RBFOX1: variants seen among roughly 807,000 people sequenced by gnomAD.
RBFOX1 encodes the protein RNA binding fox-1 homolog 1, also known as RNA binding protein fox-1 homolog 1.
A neutral mutation model predicts 57.7 loss-of-function variants in RBFOX1; 8 were observed. The observed-to-expected ratio is 0.14, with a 90% CI of 0.08 to 0.25. The LOEUF (loss-of-function observed/expected upper bound fraction) is 0.25. Ranked by LOEUF, RBFOX1 falls within the 10% of genes least tolerant of loss-of-function variation. The probability of loss-of-function intolerance (pLI) is 1.00; values close to 1 mark genes in which losing one functional copy is unlikely to be tolerated. For missense variants in RBFOX1, 611 were observed against 548.5 expected, an observed-to-expected ratio of 1.11 and a Z score of -1.14; for synonymous variants, 326 against 222.4, an observed-to-expected ratio of 1.47 and a Z score of -4.15.
intron 13 of RBFOX1, among the ~76,000 whole-genome samples, chr16:7,666,107 C>T (rs897570113): frequency 1.3e-5 from 2 of 152,088 alleles, no homozygotes; most frequent in Non-Finnish European, 2.9e-5. Context: ...GTCTCATGTC[C>T]TCTTTTTTCA....
intron 3 of RBFOX1, among the ~76,000 whole-genome samples, chr16:7,048,751 G>T (rs2048924368): frequency 6.6e-6 from 1 of 152,038 alleles, no homozygotes; most frequent in Non-Finnish European, 1.5e-5. Context: ...TGCAAATTTA[G>T]ATTTTCTTGG....
At chr16:5,400,259 T>C (rs886845635) in intron 1 of RBFOX1, among the ~76,000 whole-genome samples, 3 of 151,916 alleles carry the variant, frequency 2.0e-5, no homozygotes, top group Non-Finnish European at 4.4e-5. Flanking sequence ...ACCCGGCTGA[T>C]TTTTGTATTT....
intron 3 of RBFOX1, among the ~76,000 whole-genome samples, chr16:6,821,251 T>C (rs1045779784): frequency 6.6e-6 from 1 of 152,184 alleles, no homozygotes; most frequent in African/African-American, 2.4e-5. Flanking sequence ...TGGTGTCTCT[T>C]TACATCTAAC....
chr16:7,686,397 C>T (rs1257455224), intron 14 of RBFOX1, among the ~76,000 whole-genome samples: 3 of 152,004 alleles, frequency 2.0e-5, no homozygotes, highest in Non-Finnish European at 4.4e-5. Context: ...ATCTTTTCTG[C>T]TCATGGATCA....
At chr16:5,527,347 A>T (rs149478834) in intron 2 of RBFOX1, among the ~76,000 whole-genome samples, 1 of 151,710 alleles carries the variant, frequency 6.6e-6, no homozygotes, top group East Asian at 1.9e-4. Flanking sequence ...GAGTTCGTAG[A>T]CTCCTCCCCC....
intron 2 of RBFOX1, among the ~76,000 whole-genome samples, chr16:6,382,747 C>G (rs1041175459): frequency 6.6e-6 from 1 of 152,132 alleles, no homozygotes; most frequent in Non-Finnish European, 1.5e-5. Context: ...GTAATCCCAG[C>G]TACTTGGGAG....
rs187350576 is a variant in RBFOX1, at chr16:7,053,967, A to T, written c.27+1869A>T. Among the ~76,000 whole-genome samples, 204 of 152,146 alleles carry T rather than the reference A, an allele frequency of 1.3e-3. 1 individual carries two copies. The highest frequency in any genetic ancestry group is 4.6e-3 in the African/African-American group (191 of 41,518). On this transcript the variant is annotated intron_variant, in intron 4 of 15. Transcript: ENST00000550418. The stretch of plus-strand genomic sequence containing the variant: ...TTTAAATAGTACCAAAGAGAGTGCA[A>T]TGGAGTTTTCCCTTCCCACGTGACT...
chr16:7,219,594 TAGA>T (rs1230596267), intron 4 of RBFOX1, among the ~76,000 whole-genome samples: 3 of 152,164 alleles, frequency 2.0e-5, no homozygotes, highest in Non-Finnish European at 4.4e-5. Flanking sequence ...ATAGCTGTTG[TAGA>T]AAGAACAAGC....
intron 2 of RBFOX1, among the ~76,000 whole-genome samples, chr16:5,468,735 A>G (rs570375839): frequency 3.3e-5 from 5 of 152,336 alleles, no homozygotes; most frequent in East Asian, 1.9e-4. Context: ...CCATTCTACA[A>G]CTTGGATGAA....
intron 1 of RBFOX1, among the ~76,000 whole-genome samples, chr16:6,283,254 G>T (rs2076578491): frequency 6.6e-6 from 1 of 152,168 alleles, no homozygotes; most frequent in African/African-American, 2.4e-5. Context: ...TTGAACCCCG[G>T]AGGTTGAGCC....
intron 3 of RBFOX1, among the ~76,000 whole-genome samples, chr16:5,774,452 C>G (rs775080287): frequency 3.3e-5 from 5 of 152,224 alleles, no homozygotes; most frequent in Admixed American, 6.5e-5. Flanking sequence ...CAGGTAATGT[C>G]AACACGTAGT....
At chr16:7,162,190 G>T (rs1310528389) in intron 4 of RBFOX1, among the ~76,000 whole-genome samples, 1 of 152,118 alleles carries the variant, frequency 6.6e-6, no homozygotes, top group South Asian at 2.1e-4. Flanking sequence ...GCAGAATGAT[G>T]TCTGCTTTTT....
upstream of RBFOX1, among the ~76,000 whole-genome samples, chr16:6,016,426 C>G (rs1343252401): frequency 6.6e-6 from 1 of 152,170 alleles, no homozygotes; most frequent in Admixed American, 6.5e-5. Flanking sequence ...AAAAGCCCTC[C>G]TGGGTCACAG....
chr16:6,173,991 G>C (rs2096983368), intron 1 of RBFOX1, among the ~76,000 whole-genome samples: 1 of 152,030 alleles, frequency 6.6e-6, no homozygotes, highest in Non-Finnish European at 1.5e-5. Flanking sequence ...CGAAACCTTG[G>C]AGAACTTTGA....
chr16:6,781,754 G>A (rs1329352506), intron 3 of RBFOX1, among the ~76,000 whole-genome samples: 1 of 151,980 alleles, frequency 6.6e-6, no homozygotes, highest in African/African-American at 2.4e-5. Flanking sequence ...AATTTCTGTG[G>A]TATCTGTTTT....
chr16:6,967,606 C>G (rs1205408954), intron 3 of RBFOX1, among the ~76,000 whole-genome samples: 2 of 152,182 alleles, frequency 1.3e-5, no homozygotes, highest in African/African-American at 4.8e-5. Context: ...CACCCTGCCC[C>G]TCAGTACTCA....
chr16:7,200,674 G>A (rs746901903), intron 4 of RBFOX1, among the ~76,000 whole-genome samples: 3 of 152,164 alleles, frequency 2.0e-5, no homozygotes, highest in Non-Finnish European at 4.4e-5. Context: ...GTCAGAGTCA[G>A]TATGCCCCAA....
At chr16:7,227,649 G>A (rs141165911) in intron 4 of RBFOX1, among the ~76,000 whole-genome samples, 276 of 152,230 alleles carry the variant, frequency 1.8e-3, no homozygotes, top group African/African-American at 6.4e-3. Context: ...ACTGGAGATG[G>A]GGGTGGGGGA....
At chr16:6,862,705 G>C (rs1032565319) in intron 3 of RBFOX1, among the ~76,000 whole-genome samples, 9 of 152,114 alleles carry the variant, frequency 5.9e-5, no homozygotes, top group African/African-American at 2.2e-4. Flanking sequence ...TGCTGTTTAA[G>C]AATTGTCTGT....
Sources: allele counts gnomAD v4.1 joint callset (sites outside exome capture counted in the v4.1 genomes callset), GRCh38; gene constraint gnomAD v4.1.1; transcripts MANE v1.5; gene names NCBI Gene and HGNC (gene_info 2026-07-23, HGNC 2026-07-21).